The following PTCHD1 variants were observed in gnomAD, a reference collection of about 807,000 sequenced individuals.
The protein encoded by PTCHD1 is patched domain containing 1, also known as patched domain-containing protein 1.
PTCHD1 carries 3 observed loss-of-function variants against 34.6 expected under a neutral mutation model. The ratio of observed to expected loss-of-function variants is 0.09; its 90% CI spans 0.04 to 0.22. The LOEUF (loss-of-function observed/expected upper bound fraction) is 0.22, where lower values mean the gene tolerates loss of function less well. Among genes scored for constraint, PTCHD1 ranks in the 10% least tolerant of loss-of-function variants. PTCHD1 has a pLI of 1.00. For synonymous variants in PTCHD1, 305 were observed against 283.1 expected, an observed-to-expected ratio of 1.08 and a Z score of -0.77; for missense variants, 504 against 685.5, an observed-to-expected ratio of 0.74 and a Z score of 2.96.
intron 1 of PTCHD1, among the ~76,000 whole-genome samples, chrX:23,365,048 T>G (rs1017732958): frequency 9.0e-6 from 1 of 111,678 alleles, no homozygotes; most frequent in East Asian, 2.8e-4. Context: ...ACCCAACAAG[T>G]GATTAGCCTT....
At chrX:23,362,707 A>C (rs879172094) in intron 1 of PTCHD1, among the ~76,000 whole-genome samples, 1 of 111,120 alleles carries the variant, frequency 9.0e-6, no homozygotes. Flanking sequence ...GAGAAGAGGC[A>C]CTCTGGTTTT....
chrX:23,353,513 C>T (rs1344252969), intron 1 of PTCHD1, among the ~76,000 whole-genome samples: 1 of 112,213 alleles, frequency 8.9e-6, no homozygotes, highest in African/African-American at 3.2e-5. Flanking sequence ...CGCTTGAACT[C>T]AGGAGGCGGA....
rs1252087747 is a variant in PTCHD1 at position 23,403,050 on chromosome X, C to T, written c.*8865C>T. 8.9e-6 allele frequency: 1 copy of T among 112,609 alleles called. No homozygotes were observed. The highest frequency in any genetic ancestry group is 1.9e-5 in the Non-Finnish European group (1 of 53,342). 9.3% of individuals were successfully genotyped at this position (112,609 alleles called of 1,213,427 possible). ...TTAAACATTTAAACATGGCCCCTCT[C>T]TTATTGTCATTGCTAGTGAAAGAAG... On this transcript the variant is annotated 3_prime_UTR_variant, in exon 3 of 3. Coordinates refer to ENST00000379361, the MANE Select transcript of PTCHD1 (RefSeq NM_173495.3).
chrX:23,370,524 G>A (rs984376455), intron 1 of PTCHD1, among the ~76,000 whole-genome samples: 4 of 111,775 alleles, frequency 3.6e-5, no homozygotes, highest in African/African-American at 1.3e-4. Flanking sequence ...GAAATGCACT[G>A]TCCTATAATA....
intron 2 of PTCHD1, among the ~76,000 whole-genome samples, chrX:23,385,086 T>G (rs943957607): frequency 3.7e-4 from 41 of 112,126 alleles, no homozygotes; most frequent in African/African-American, 1.3e-3. Context: ...ATCTATTTTT[T>G]TAAAAGAGAT....
At chrX:23,358,269 C>A (rs1209661211) in intron 1 of PTCHD1, among the ~76,000 whole-genome samples, 2 of 112,081 alleles carry the variant, frequency 1.8e-5, no homozygotes. Flanking sequence ...GTTTACACTC[C>A]CACCAACAGT....
At chrX:23,360,860 A>C (rs775098402) in intron 1 of PTCHD1, among the ~76,000 whole-genome samples, 1 of 111,976 alleles carries the variant, frequency 8.9e-6, no homozygotes, top group East Asian at 2.8e-4. Context: ...CTTTGTTCTC[A>C]TTGGTTTCAA....
intron 1 of PTCHD1, among the ~76,000 whole-genome samples, chrX:23,359,221 C>G (rs1421918616): frequency 1.8e-5 from 2 of 112,193 alleles, no homozygotes; most frequent in African/African-American, 3.2e-5. Flanking sequence ...GGCATTGAAT[C>G]TATAAATTAC....
chrX:23,380,245 A>G lies in PTCHD1; in HGVS notation c.1006A>G (p.Met336Val), dbSNP rs1246834428. The G allele has an allele frequency of 1.3e-5, 16 of 1,205,997 alleles. No homozygotes were observed. Among genetic ancestry groups the G allele is most frequent in the Admixed American group, 2.2e-5 (1 of 46,057 alleles). Residue 336 changes from methionine (M) to valine (V), a missense_variant, in exon 2 of 3, where the codon ATG becomes GTG. Met to Val is a conservative substitution (Grantham distance 21, BLOSUM62 1). Transcript: ENST00000379361. ...CACCTTCCTGGGAGTCCCTTTCGTC[A>G]TGCTAGGTAATTACTACTCTTCTTT... The part of the protein sequence containing the change: ...NSTFLGVPFV[M>V]LGHGLYGTFE...
rs1329930966 is a variant in PTCHD1 at position 23,396,208 on chromosome X, G to C, written c.*2023G>C. Reference sequence around the variant, plus strand: ...TACAGTTCTAAATACATGTGCAGGGGATTGTAGCTAATGCATTACACAGTC... The same window carrying C: ...TACAGTTCTAAATACATGTGCAGGGCATTGTAGCTAATGCATTACACAGTC... On this transcript the variant is annotated 3_prime_UTR_variant, in exon 3 of 3. Coordinates refer to ENST00000379361, the MANE Select transcript of PTCHD1 (RefSeq NM_173495.3). The C allele has an allele frequency of 8.9e-6, 1 of 112,286 alleles. No individual in the cohort carries two copies. The highest frequency in any genetic ancestry group is 3.3e-5 in the African/African-American group (1 of 30,737). 9.3% of individuals were successfully genotyped at this position (112,286 alleles called of 1,213,427 possible).
intron 1 of PTCHD1, among the ~76,000 whole-genome samples, chrX:23,363,463 C>T (rs1347606024): frequency 8.8e-6 from 1 of 113,000 alleles, no homozygotes; most frequent in Non-Finnish European, 1.9e-5. Flanking sequence ...CCGAACCAGG[C>T]GTGAGATATA....
Position 23,393,430 on chromosome X carries a change from G to C in PTCHD1, c.1912G>C (p.Asp638His). 1 of 1,210,461 alleles carries C rather than the reference G, an allele frequency of 8.3e-7. No individual in the cohort carries two copies. The highest frequency in any genetic ancestry group is 1.1e-6 in the Non-Finnish European group (1 of 894,407). Residue 638 changes from aspartate to histidine, a missense_variant, in exon 3 of 3, where the codon GAT becomes CAT. By Grantham distance (81) the Asp-to-His change is moderately conservative (BLOSUM62 -1). Transcript: ENST00000379361. ...EDIIFSKKYN[D>H]EVDVVASRMF... is the part of the protein sequence containing the mutation. ...CATCATCTTCTCTAAAAAATACAAT[G>C]ATGAGGTCGATGTAGTGGCCTCCAG...
intron 1 of PTCHD1, among the ~76,000 whole-genome samples, chrX:23,367,067 G>A (rs958911468): frequency 5.4e-5 from 6 of 111,135 alleles, no homozygotes; most frequent in Non-Finnish European, 1.1e-4. Flanking sequence ...TTTGTGGTTC[G>A]CTTGCGCTAA....
intron 1 of PTCHD1, among the ~76,000 whole-genome samples, chrX:23,373,398 C>T (rs1049864008): frequency 8.9e-6 from 1 of 112,810 alleles, no homozygotes; most frequent in Non-Finnish European, 1.9e-5. Context: ...GAGCATGGCA[C>T]CAGGCACACA....
chrX:23,344,156 A>G (rs1452828400), intron 1 of PTCHD1, among the ~76,000 whole-genome samples: 1 of 112,347 alleles, frequency 8.9e-6, no homozygotes, highest in East Asian at 2.8e-4. Context: ...GCAAGGCTCA[A>G]ATTTAACTGT....
intron 2 of PTCHD1, among the ~76,000 whole-genome samples, chrX:23,387,749 ATG>A (rs1487502373): frequency 4.5e-5 from 5 of 110,978 alleles, no homozygotes; most frequent in African/African-American, 1.6e-4. Flanking sequence ...CTTTCTCTTT[ATG>A]TGTGTGTGTA....
At chrX:23,382,391 A>G (rs1329101718) in intron 2 of PTCHD1, among the ~76,000 whole-genome samples, 1 of 112,922 alleles carries the variant, frequency 8.9e-6, no homozygotes, top group East Asian at 2.7e-4. Flanking sequence ...AATATTTTAA[A>G]TTTCTTAAAA....
chrX:23,341,212 G>A lies in PTCHD1; in HGVS notation c.351+5986G>A, dbSNP rs1047610903. Among the ~76,000 whole-genome samples the A allele has an allele frequency of 2.7e-5, 3 of 111,546 alleles. No individual in the cohort carries two copies. The Admixed American group carries it at 2.8e-4, about 11-fold the overall frequency. On this transcript the variant is annotated intron_variant, in intron 1 of 2. Transcript: ENST00000379361. ...CCTTTGTAATGACTCATGGCATCTTGATAGATGCCATATTAGAGTTAGGAA... is the reference window on the plus strand; with the variant it reads ...CCTTTGTAATGACTCATGGCATCTTAATAGATGCCATATTAGAGTTAGGAA...
rs6653678 is a variant in PTCHD1 at position 23,361,418 on chromosome X, T to C, written c.352-18173T>C. Among the ~76,000 whole-genome samples the C allele has an allele frequency of 6.4e-5, 7 of 110,221 alleles. No individual in the cohort carries two copies. The East Asian group carries it at 2.0e-3, about 31-fold the overall frequency. ...CTATTATGTAATGGCCTTCTTTGTC[T>C]CTTTTGATCTTTGTTGGTTTAAAGT... On this transcript the variant is annotated intron_variant, in intron 1 of 2. Coordinates refer to ENST00000379361, the MANE Select transcript of PTCHD1 (RefSeq NM_173495.3).
Sources: gnomAD v4.1 joint callset for allele counts (sites outside exome capture counted in the v4.1 genomes callset) on GRCh38, gnomAD v4.1.1 for gene constraint, MANE v1.5 for transcripts, NCBI Gene and HGNC (gene_info 2026-07-23, HGNC 2026-07-21) for gene names.